The following COBL variants were observed in gnomAD, a reference collection of about 807,000 sequenced individuals.
The protein encoded by COBL is cordon-bleu WH2 repeat protein, also known as protein cordon-bleu.
COBL carries 51 observed loss-of-function variants against 98.8 expected under a neutral mutation model. The observed-to-expected ratio is 0.52, with a 90% CI of 0.41 to 0.65. COBL has a LOEUF of 0.65. Among genes scored for constraint, COBL ranks in the 30% least tolerant of loss-of-function variants. The pLI is 0.00. For missense variants in COBL, 1,617 were observed against 1,617.5 expected (o/e 1.00, Z 0.01); for synonymous variants, 634 against 651.7 (o/e 0.97, Z 0.41).
At chr7:51,312,286 G>A (rs185670375) in intron 1 of COBL, among the ~76,000 whole-genome samples, 27 of 152,168 alleles carry the variant, frequency 1.8e-4, no homozygotes, top group African/African-American at 3.9e-4. Flanking sequence ...AGCTGAGATC[G>A]CACCATTGCA....
intron 3 of COBL, among the ~76,000 whole-genome samples, chr7:51,192,608 AAAC>A (rs950183814): frequency 3.3e-5 from 5 of 152,248 alleles, no homozygotes; most frequent in South Asian, 2.1e-4. Flanking sequence ...CTCCGTCTCA[AAAC>A]AACAACAACA....
At chr7:51,107,083 A>AT (rs1796352366) in intron 6 of COBL, among the ~76,000 whole-genome samples, 3 of 118,932 alleles carry the variant, frequency 2.5e-5, no homozygotes, top group African/African-American at 9.5e-5. Flanking sequence ...TTGTGATCCT[A>AT]GTTTGTTTGT....
chr7:51,150,134 C>T (rs1785421840), intron 5 of COBL, among the ~76,000 whole-genome samples: 1 of 152,120 alleles, frequency 6.6e-6, no homozygotes, highest in South Asian at 2.1e-4. Context: ...GGAGAGGAGC[C>T]GAGCCCCTCT....
At chr7:51,174,650 C>T (rs1441475046) in intron 5 of COBL, among the ~76,000 whole-genome samples, 1 of 152,168 alleles carries the variant, frequency 6.6e-6, no homozygotes, top group Non-Finnish European at 1.5e-5. Flanking sequence ...GACACCATAA[C>T]TCCTACCCTA....
intron 5 of COBL, among the ~76,000 whole-genome samples, chr7:51,159,869 T>G (rs1423006631): frequency 6.6e-6 from 1 of 152,168 alleles, no homozygotes; most frequent in Non-Finnish European, 1.5e-5. Context: ...TTAGAGATCA[T>G]ATGATAAGAA....
chr7:51,222,064 C>T (rs1793702863), intron 1 of COBL, among the ~76,000 whole-genome samples: 1 of 152,138 alleles, frequency 6.6e-6, no homozygotes, highest in Admixed American at 6.5e-5. Flanking sequence ...TGGCAGATGC[C>T]TGTAATCCCA....
intron 5 of COBL, among the ~76,000 whole-genome samples, chr7:51,158,840 G>T (rs577844042): frequency 1.3e-5 from 2 of 152,146 alleles, no homozygotes. Context: ...TAGGGCGGGG[G>T]ACAGGGAAAG....
chr7:51,106,725 A>G (rs1397918934), intron 6 of COBL, among the ~76,000 whole-genome samples: 2 of 152,200 alleles, frequency 1.3e-5, no homozygotes, highest in Admixed American at 6.5e-5. Flanking sequence ...ACTTGGTAAA[A>G]TGAAAGGCCT....
In COBL at chr7:51,028,446, C is replaced by T. The variant is rs1192756367; in HGVS notation, c.2650G>A (p.Asp884Asn). ...KRIGAPKVHA[D>N]VVRPHGYAEK... Reference sequence around the variant, plus strand: ...GCATAACCGTGTGGCCTCACCACATCAGCATGGACTTTTGGGGCTCCTATG... The same window carrying T: ...GCATAACCGTGTGGCCTCACCACATTAGCATGGACTTTTGGGGCTCCTATG... Residue 884 changes from aspartate (D) to asparagine (N), a missense_variant, in exon 10 of 13, where the codon GAT becomes AAT. Asp to Asn is a conservative substitution (Grantham distance 23). Coordinates refer to ENST00000265136, the MANE Select transcript of COBL (RefSeq NM_015198.5). 1.9e-6 allele frequency: 3 copies of T among 1,614,166 alleles called. No individual in the cohort carries two copies. Among genetic ancestry groups the T allele is most frequent in the Non-Finnish European group, 2.5e-6 (3 of 1,180,056 alleles).
intron 1 of COBL, 91 bp downstream of exon 1, chr7:51,316,502 G>T (rs1256557232): frequency 5.1e-6 from 5 of 979,836 alleles, no homozygotes; most frequent in African/African-American, 1.7e-5. Context: ...CGGCAGAGAG[G>T]GCGCCCTGCC....
chr7:51,132,528 T>C (rs1798841256), intron 6 of COBL, among the ~76,000 whole-genome samples: 1 of 152,154 alleles, frequency 6.6e-6, no homozygotes, highest in Non-Finnish European at 1.5e-5. Context: ...ATCTTAATCC[T>C]GGCTCAAGAG....
chr7:51,277,222 T>C (rs1021227786), intron 1 of COBL, among the ~76,000 whole-genome samples: 9 of 152,138 alleles, frequency 5.9e-5, no homozygotes, highest in South Asian at 2.1e-4. Context: ...TAAGTTAAAA[T>C]GGGCTAGGTC....
rs149576082 is a variant in COBL, at chr7:51,266,737, C to T, written c.42-46793G>A. Reference sequence around the variant, plus strand: ...AAATGGACGGAAGGAAAGGACTCTACGACACAAGCACCCACACACAGTTTT... The same window carrying T: ...AAATGGACGGAAGGAAAGGACTCTATGACACAAGCACCCACACACAGTTTT... On this transcript the variant is annotated intron_variant, in intron 1 of 12. Coordinates refer to ENST00000265136, the MANE Select transcript of COBL (RefSeq NM_015198.5). 3.0e-3 allele frequency among the ~76,000 whole-genome samples: 458 copies of T among 152,254 alleles called. 2 individuals carry two copies. The highest frequency in any genetic ancestry group is 9.5e-3 in the African/African-American group (396 of 41,562).
intron 6 of COBL, among the ~76,000 whole-genome samples, chr7:51,131,329 T>G (rs1798714476): frequency 1.3e-5 from 2 of 152,242 alleles, no homozygotes; most frequent in African/African-American, 4.8e-5. Flanking sequence ...GTATATTGAC[T>G]GAATAAATGA....
rs75851854 is a variant in COBL at position 51,029,115 on chromosome 7, G to C, written c.1981C>G (p.Gln661Glu). 3 of 1,613,948 alleles carry C rather than the reference G, an allele frequency of 1.9e-6. No individual in the cohort carries two copies. Among genetic ancestry groups the C allele is most frequent in the East Asian group, 2.2e-5 (1 of 44,886 alleles). Residue 661 changes from glutamine (Q) to glutamate (E), a missense_variant, in exon 10 of 13, where the codon CAA (glutamine) becomes GAA (glutamate). Coordinates refer to ENST00000265136, the MANE Select transcript of COBL (RefSeq NM_015198.5). ...TGGGAATTCACTCTCTCTGTGGCTT[G>C]AGTCCTCTCCCCGTCAGCACAGCCA... ...VYGCADGERT[Q>E]ATERVNSQPV...
At chr7:51,095,921 A>T (rs1455722430) in intron 6 of COBL, among the ~76,000 whole-genome samples, 1 of 152,214 alleles carries the variant, frequency 6.6e-6, no homozygotes, top group Non-Finnish European at 1.5e-5. Flanking sequence ...GTAGAAATAG[A>T]CAGAAACACA....
chr7:51,272,735 T>A (rs1172253693), intron 1 of COBL, among the ~76,000 whole-genome samples: 1 of 152,108 alleles, frequency 6.6e-6, no homozygotes, highest in Non-Finnish European at 1.5e-5. Flanking sequence ...TCAAATGATG[T>A]TTTTCTGGCA....
intron 6 of COBL, among the ~76,000 whole-genome samples, chr7:51,093,914 T>G (rs1174400562): frequency 1.3e-5 from 2 of 150,440 alleles, no homozygotes; most frequent in South Asian, 2.1e-4. Flanking sequence ...AAAAAAAAAG[T>G]ATAGTCAAGA....
intron 7 of COBL, among the ~76,000 whole-genome samples, chr7:51,080,899 C>T (rs970573490): frequency 7.4e-4 from 39 of 52,438 alleles, no homozygotes; most frequent in African/African-American, 2.8e-3. Context: ...TTATGAAAAA[C>T]GATACAACAA....
Sources: allele counts gnomAD v4.1 joint callset (sites outside exome capture counted in the v4.1 genomes callset), GRCh38; gene constraint gnomAD v4.1.1; transcripts MANE v1.5; gene names NCBI Gene and HGNC (gene_info 2026-07-23, HGNC 2026-07-21).